The following NUP214 variants were observed in gnomAD, a reference collection of about 807,000 sequenced individuals.
NUP214 encodes the protein nuclear pore complex protein Nup214.
NUP214 carries 79 observed loss-of-function variants against 196.2 expected under a neutral mutation model. The observed-to-expected ratio is 0.40, with a 90% CI of 0.34 to 0.49. The LOEUF (loss-of-function observed/expected upper bound fraction) is 0.49, where lower values mean the gene tolerates loss of function less well. Among genes scored for constraint, NUP214 ranks in the 20% least tolerant of loss-of-function variants. The pLI is 0.58. For missense variants in NUP214, 2,468 were observed against 2,539.0 expected (o/e 0.97, Z 0.60); for synonymous variants, 1,020 against 990.5 (o/e 1.03, Z -0.56).
chr9:131,140,470 G>A, intron 10 of NUP214, 79 bp from the exon 11 acceptor site: 1 of 1,261,362 alleles, frequency 7.9e-7, no homozygotes, highest in East Asian at 2.3e-5. Flanking sequence ...CCCTCTTCAT[G>A]TTGAGGGCAG....
At chr9:131,215,189 T>G in intron 30 of NUP214, 23 bp from the exon 31 acceptor site, 6 of 1,500,216 alleles carry the variant, frequency 4.0e-6, no homozygotes, top group Non-Finnish European at 5.3e-6. Flanking sequence ...CCTATCTTGC[T>G]TCCTGACCCT....
intron 22 of NUP214, 148 bp downstream of exon 22, chr9:131,174,466 TGAGGTGGAGTC>T: frequency 1.4e-6 from 1 of 730,210 alleles, no homozygotes; most frequent in Middle Eastern, 3.9e-4. Flanking sequence ...TTTTTTTTTT[TGAGGTGGAGTC>T]TCACTCTGTT....
In NUP214 at chr9:131,192,297, G is replaced by T; in HGVS notation, c.3659+5G>T. On this transcript the variant is annotated splice_donor_5th_base_variant and intron_variant, in intron 27 of 35. Coordinates refer to ENST00000359428, the MANE Select transcript of NUP214 (RefSeq NM_005085.4). ...TTTCTCATTTTCTCCATCAGGGTCA[G>T]TAATGAACTTAAGTTTTATGGCAAA... 6.5e-7 allele frequency: 1 copy of T among 1,537,586 alleles called. No homozygotes were observed. Among genetic ancestry groups the T allele is most frequent in the Non-Finnish European group, 8.8e-7 (1 of 1,133,080 alleles).
chr9:131,232,736 TG>T lies in NUP214; in HGVS notation c.6239+431del. On this transcript the variant is annotated intron_variant, in intron 35 of 35. Transcript: ENST00000359428. This position sits in a 1 kb window ranked among gnomAD's most constrained non-coding sequence, Gnocchi z 5.1. The stretch of plus-strand genomic sequence containing the variant: ...GCGTTAAAATTCAGTCTTAGCCAGG[TG>T]GGTGGTTCACGCCTATAATCCCAGC... 4.1e-6 allele frequency: 1 copy of T among 245,830 alleles called. No homozygotes were observed. 15.2% of individuals were successfully genotyped at this position (245,830 alleles called of 1,614,324 possible).
At chr9:131,230,977 A>T (rs2131111898) in intron 34 of NUP214, among the ~76,000 whole-genome samples, 1 of 152,202 alleles carries the variant, frequency 6.6e-6, no homozygotes, top group Middle Eastern at 3.4e-3. Flanking sequence ...CCTGGGCAAC[A>T]TGGCAAGACT....
chr9:131,168,282 C>G (rs1832844681), intron 21 of NUP214, among the ~76,000 whole-genome samples: 1 of 152,220 alleles, frequency 6.6e-6, no homozygotes, highest in African/African-American at 2.4e-5. Flanking sequence ...AAGAAATCCT[C>G]TATCTCTAGG....
chr9:131,198,655 T>C lies in NUP214; in HGVS notation c.5161T>C (p.Phe1721Leu). Residue 1721 changes from phenylalanine (F) to leucine (L), a missense_variant, in exon 29 of 36, where the codon TTT becomes CTT. Around this residue, in one of 5 missense-constraint regions of NUP214, gnomAD observed 1,801 missense variants for 1,779.4 expected, o/e 1.01. Transcript: ENST00000359428. ...TTTTGGTACCACAGCCCCAGGGGTCTTTGGACAGACAACCTTCGGGCAGGC... is the reference window on the plus strand; with the variant it reads ...TTTTGGTACCACAGCCCCAGGGGTCCTTGGACAGACAACCTTCGGGCAGGC... ...PAFGTTAPGV[F>L]GQTTFGQASV... is the part of the protein sequence containing the mutation. 6.2e-7 allele frequency: 1 copy of C among 1,614,246 alleles called. No individual in the cohort carries two copies. Among genetic ancestry groups the C allele is most frequent in the Non-Finnish European group, 8.5e-7 (1 of 1,180,034 alleles).
At chr9:131,145,422 A>C (rs1412711119) in intron 12 of NUP214, among the ~76,000 whole-genome samples, 1 of 152,120 alleles carries the variant, frequency 6.6e-6, no homozygotes, top group East Asian at 1.9e-4. Flanking sequence ...ATAACCATCG[A>C]GTATAAGTAC....
In NUP214 at chr9:131,198,852, T is replaced by C. The variant is rs1292973193; in HGVS notation, c.5358T>C (p.Phe1786=). The C allele has an allele frequency of 6.2e-7, 1 of 1,614,094 alleles. No homozygotes were observed. Among genetic ancestry groups the C allele is most frequent in the East Asian group, 2.2e-5 (1 of 44,896 alleles). The change falls in exon 29 of 36, where the codon TTT becomes TTC. Residue 1786 remains phenylalanine, a synonymous_variant. Transcript: ENST00000359428. ...CCAGTAGCTCCAGTTCCTTCTCATTTGGACAGTCTTCTCCCAACACAGGAG... is the reference window on the plus strand; with the variant it reads ...CCAGTAGCTCCAGTTCCTTCTCATTCGGACAGTCTTCTCCCAACACAGGAG... ...SSTSSSSSFS[F]GQSSPNTGGG...
intron 31 of NUP214, among the ~76,000 whole-genome samples, chr9:131,215,644 T>C (rs551518889): frequency 7.9e-5 from 12 of 152,226 alleles, no homozygotes; most frequent in Admixed American, 2.6e-4. Flanking sequence ...CAAATCGCTC[T>C]GTTTCTTAGT....
chr9:131,222,539 A>T, intron 31 of NUP214: 1 of 392,404 alleles, frequency 2.5e-6, no homozygotes, highest in Non-Finnish European at 4.6e-6. Context: ...TTTTGTGCCT[A>T]TAAAATCATG....
At chr9:131,217,029 G>A (rs1341301557) in intron 31 of NUP214, among the ~76,000 whole-genome samples, 1 of 152,062 alleles carries the variant, frequency 6.6e-6, no homozygotes, top group Admixed American at 6.5e-5. Flanking sequence ...TGAATCATGA[G>A]CTAGTGTTCT....
chr9:131,151,572 T>G (rs767528157), intron 16 of NUP214, among the ~76,000 whole-genome samples, 164 bp from the exon 17 acceptor site: 15 of 152,340 alleles, frequency 9.8e-5, no homozygotes, highest in Admixed American at 2.0e-4. Context: ...AAAAGAACAT[T>G]AGTGTCGTTC....
intron 4 of NUP214, among the ~76,000 whole-genome samples, chr9:131,130,161 T>TTTTTTTTTTTTTTTTTTTTG (rs1554728091): frequency 2.9e-5 from 4 of 136,490 alleles, no homozygotes; most frequent in South Asian, 2.6e-4. Flanking sequence ...GTTTTTTTTT[T>TTTTTTTTTTTTTTTTTTTTG]GAGACAGAGT....
At position 131,125,973 on chromosome 9, in the gene NUP214, A is replaced by G; in HGVS notation, c.45+224A>G. The stretch of plus-strand genomic sequence containing the variant: ...TCGTGCACGGCTGTTGAGTTACCCT[A>G]GCTACTTCCTGGGGCGGTCACAATA... On this transcript the variant is annotated intron_variant, in intron 1 of 35. Coordinates refer to ENST00000359428, the MANE Select transcript of NUP214 (RefSeq NM_005085.4). This position sits in a 1 kb window ranked among gnomAD's most constrained non-coding sequence, Gnocchi z 4.1. 1 of 581,256 alleles carries G rather than the reference A, an allele frequency of 1.7e-6. No individual in the cohort carries two copies. The highest frequency in any genetic ancestry group is 3.0e-6 in the Non-Finnish European group (1 of 331,698). 36.0% of individuals were successfully genotyped at this position (581,256 alleles called of 1,614,324 possible).
chr9:131,224,679 G>C (rs1468918065), intron 32 of NUP214, among the ~76,000 whole-genome samples: 3 of 152,150 alleles, frequency 2.0e-5, no homozygotes, highest in Non-Finnish European at 4.4e-5. Context: ...AGGTAGCTTA[G>C]TCTTTCTTTG....
At chr9:131,197,040 T>A (rs1833808381) in intron 28 of NUP214, among the ~76,000 whole-genome samples, 176 bp from the exon 29 acceptor site, 1 of 152,200 alleles carries the variant, frequency 6.6e-6, no homozygotes, top group Admixed American at 6.5e-5. Flanking sequence ...TCAGAGCTGA[T>A]GTTTGTGTGG....
At chr9:131,230,848 A>C in intron 34 of NUP214, 79 bp downstream of exon 34, 1 of 1,482,604 alleles carries the variant, frequency 6.7e-7, no homozygotes, top group Non-Finnish European at 9.1e-7. Context: ...AGTATGTTTT[A>C]CCTGACCAGT....
chr9:131,132,737 T>C, intron 6 of NUP214, 78 bp downstream of exon 6: 2 of 1,224,408 alleles, frequency 1.6e-6, no homozygotes, highest in Non-Finnish European at 2.4e-6. Context: ...TCATGTAATG[T>C]ACCTGCTCAG....
Sources: allele counts gnomAD v4.1 joint callset (sites outside exome capture counted in the v4.1 genomes callset), GRCh38; gene constraint gnomAD v4.1.1; regional missense constraint gnomAD v4.1.1; non-coding constraint Gnocchi (gnomAD v3.1); transcripts MANE v1.5; gene names NCBI Gene and HGNC (gene_info 2026-07-23, HGNC 2026-07-21).